TFR2: variants seen among roughly 807,000 people sequenced by gnomAD.
The protein encoded by TFR2 is transferrin receptor 2.
In TFR2, 64 loss-of-function variants were observed where a neutral mutation model predicts 91.9. That is an observed-to-expected ratio of 0.70 (90% CI 0.57 to 0.86). The LOEUF (loss-of-function observed/expected upper bound fraction) is 0.86, where lower values mean the gene tolerates loss of function less well. TFR2 is among the 40% of genes least tolerant of loss of function. TFR2 has a pLI of 0.00. For synonymous variants in TFR2, 454 were observed against 459.6 expected (o/e 0.99, Z 0.15); for missense variants, 950 against 1,080.5 (o/e 0.88, Z 1.69).
At chr7:100,634,641 A>G (rs543791005) in intron 3 of TFR2, among the ~76,000 whole-genome samples, 3 of 152,346 alleles carry the variant, frequency 2.0e-5, no homozygotes, top group Admixed American at 2.0e-4. Flanking sequence ...GGAAAATTCA[A>G]TTCAAAACAG....
chr7:100,626,828 C>G lies in TFR2; in HGVS notation c.2071G>C (p.Glu691Gln). 1 of 1,549,688 alleles carries G rather than the reference C, an allele frequency of 6.5e-7. No individual in the cohort carries two copies. Among genetic ancestry groups the G allele is most frequent in the Non-Finnish European group, 8.7e-7 (1 of 1,146,988 alleles). Residue 691 changes from glutamate to glutamine, a missense_variant, in exon 17 of 18, where the codon GAG becomes CAG. Transcript: ENST00000223051. Reference sequence around the variant, plus strand: ...TCTCTCTCCTCCGAGCTGTAGATCTCCTGCCGCAGCTTTTCCGCCGCCCGG... The same window carrying G: ...TCTCTCTCCTCCGAGCTGTAGATCTGCTGCCGCAGCTTTTCCGCCGCCCGG... ...YIRAAEKLRQEIYSSEERDER... is the reference protein window; with the variant it reads ...YIRAAEKLRQQIYSSEERDER...
intron 6 of TFR2, 170 bp downstream of exon 6, chr7:100,632,831 A>G: frequency 5.2e-6 from 6 of 1,148,630 alleles, no homozygotes; most frequent in South Asian, 2.7e-5. Context: ...TTGGCCTCCT[A>G]AAGTGCTGGG....
Position 100,627,598 on chromosome 7 carries a change from G to A in TFR2, c.1746C>T (p.Ala582=), listed in dbSNP as rs781258602. 5.0e-6 allele frequency: 8 copies of A among 1,614,144 alleles called. No homozygotes were observed. Among genetic ancestry groups the A allele is most frequent in the Middle Eastern group, 1.6e-4 (1 of 6,062 alleles). ...TCACCTCCATAAAGGAGAACTCGAC[G>A]GCAGGGACTCCCACAAAGGCCGTGA... ...YSFTAFVGVP[A]VEFSFMEDDQ... Residue 582 remains alanine (A), a synonymous_variant, in exon 15 of 18, where the codon GCC becomes GCT. Transcript: ENST00000223051.
In TFR2 at chr7:100,640,685, C is replaced by T; in HGVS notation, c.473+1G>A. Reference sequence around the variant, plus strand: ...ACAGGATGGGGCAGGGCCATCCCTACCTGATGGTGTCCTCCAGGCGCCCCT... The same window carrying T: ...ACAGGATGGGGCAGGGCCATCCCTATCTGATGGTGTCCTCCAGGCGCCCCT... On this transcript the variant is annotated splice_donor_variant, in intron 3 of 17. Transcript: ENST00000223051. LOFTEE classifies it high-confidence loss of function. The T allele has an allele frequency of 6.2e-7, 1 of 1,612,222 alleles. No homozygotes were observed. Among genetic ancestry groups the T allele is most frequent in the Non-Finnish European group, 8.5e-7 (1 of 1,179,724 alleles).
chr7:100,626,654 T>G, intron 17 of TFR2, 109 bp downstream of exon 17: 1 of 1,498,402 alleles, frequency 6.7e-7, no homozygotes, highest in East Asian at 2.5e-5. Flanking sequence ...GGACCGGGAC[T>G]GTGTAGGCGG....
chr7:100,627,357 G>A lies in TFR2; in HGVS notation c.1902C>T (p.Ser634=), dbSNP rs41295918. Reference sequence around the variant, plus strand: ...AGTCGAGGGGCAGCAGGCGATCGTGGCTGAGCCGGATGAGGAGCTGCCCTG... The same window carrying A: ...AGTCGAGGGGCAGCAGGCGATCGTGACTGAGCCGGATGAGGAGCTGCCCTG... ...QLAGQLLIRL[S]HDRLLPLDFG... is the part of the protein sequence containing the mutation. The change falls in exon 16 of 18, where the codon AGC becomes AGT. Residue 634 remains serine (S), a synonymous_variant. Transcript: ENST00000223051. 14 of 1,552,588 alleles carry A rather than the reference G, an allele frequency of 9.0e-6. No homozygotes were observed. In the East Asian group the frequency reaches 3.2e-4, roughly 35 times the overall value.
chr7:100,640,472 A>G, intron 3 of TFR2: 1 of 604,406 alleles, frequency 1.7e-6, no homozygotes, highest in Non-Finnish European at 2.9e-6. Flanking sequence ...CCTCCCAAAT[A>G]TGCCACCCTC....
At chr7:100,634,618 C>T (rs1041161807) in intron 3 of TFR2, among the ~76,000 whole-genome samples, 1 of 152,170 alleles carries the variant, frequency 6.6e-6, no homozygotes, top group South Asian at 2.1e-4. Context: ...GAGGATCACT[C>T]AGGGATGAGG....
rs533208171 is a variant in TFR2, at chr7:100,634,750, A to G, written c.474-1194T>C. ...TCCTCCAAGAGGCCACCATCTTCACATTTCAGACCCTTCGCAAATGGTGAA... is the reference window on the plus strand; with the variant it reads ...TCCTCCAAGAGGCCACCATCTTCACGTTTCAGACCCTTCGCAAATGGTGAA... On this transcript the variant is annotated intron_variant, in intron 3 of 17. Transcript: ENST00000223051. Among the ~76,000 whole-genome samples the G allele has an allele frequency of 2.0e-4, 31 of 152,202 alleles. 1 individual carries two copies. Among genetic ancestry groups the G allele is most frequent in the Admixed American group, 8.5e-4 (13 of 15,276 alleles).
chr7:100,620,457 A>C lies in TFR2; in HGVS notation c.*400T>G. 1 of 185,896 alleles carries C rather than the reference A, an allele frequency of 5.4e-6. No homozygotes were observed. The highest frequency in any genetic ancestry group is 2.3e-5 in the African/African-American group (1 of 42,708). The allele number at this position is 185,896 out of a possible 1,614,324, so 11.5% of individuals were successfully genotyped here. A position where few individuals can be genotyped will look rare whatever the true frequency, so the allele number is the denominator to read the frequency against. On this transcript the variant is annotated 3_prime_UTR_variant, in exon 18 of 18. Transcript: ENST00000223051. ...GGTGGTTTATTGATATTGAAACTCC[A>C]CGCCCCTTTCACCACAGACCACCTG...
chr7:100,627,800 A>G lies in TFR2; in HGVS notation c.1626T>C (p.Ser542=), dbSNP rs781300326. Residue 542 remains serine, a synonymous_variant, in exon 14 of 18, where the codon AGT becomes AGC. Coordinates refer to ENST00000223051, the MANE Select transcript of TFR2 (RefSeq NM_003227.4). ...CCACCTGTTCATAGAGAGTCTGCCC[A>G]CTGTGGTTGGGAGAATCCACCTGGG... The part of the protein sequence containing the change: ...VLKQVDSPNH[S]GQTLYEQVVF... 10 of 1,613,576 alleles carry G rather than the reference A, an allele frequency of 6.2e-6. No individual in the cohort carries two copies. The East Asian group carries it at 2.2e-4, about 36-fold the overall frequency.
intron 10 of TFR2, 98 bp downstream of exon 10, chr7:100,629,155 G>A: frequency 1.3e-6 from 2 of 1,503,428 alleles, no homozygotes; most frequent in Non-Finnish European, 1.8e-6. Context: ...AGTGACCACT[G>A]GCCAGTCTGT....
chr7:100,633,426 A>G lies in TFR2; in HGVS notation c.604T>C (p.Phe202Leu), dbSNP rs1363624966. The G allele has an allele frequency of 5.6e-6, 9 of 1,610,926 alleles. No homozygotes were observed. Among genetic ancestry groups the G allele is most frequent in the Non-Finnish European group, 5.9e-6 (7 of 1,178,708 alleles). Residue 202 changes from phenylalanine to leucine, a missense_variant, in exon 4 of 18, where the codon TTC becomes CTC. Phe to Leu is a conservative substitution (Grantham distance 22). Transcript: ENST00000223051. Reference protein sequence around the residue: ...WTDTHYVGLQFPDPAHPNTLH... With the variant: ...WTDTHYVGLQLPDPAHPNTLH... ...CGCGCGCGCACTCACGGATCCGGGAATTGCAGCCCCACGTAGTGCGTGTCG... is the reference window on the plus strand; with the variant it reads ...CGCGCGCGCACTCACGGATCCGGGAGTTGCAGCCCCACGTAGTGCGTGTCG...
At chr7:100,625,527 C>T (rs893543076) in intron 17 of TFR2, among the ~76,000 whole-genome samples, 9 of 152,146 alleles carry the variant, frequency 5.9e-5, no homozygotes, top group Admixed American at 6.5e-5. Context: ...ACCCCAGGGT[C>T]ACCCCTGTTC....
In TFR2 at chr7:100,620,841, G is replaced by A; in HGVS notation, c.*16C>T. On this transcript the variant is annotated 3_prime_UTR_variant, in exon 18 of 18. Coordinates refer to ENST00000223051, the MANE Select transcript of TFR2 (RefSeq NM_003227.4). ...GCTCTTGACTGGGGGACGGGGATGTGAGGATCCCCAGGGCCTCAGAAGTTG... is the reference window on the plus strand; with the variant it reads ...GCTCTTGACTGGGGGACGGGGATGTAAGGATCCCCAGGGCCTCAGAAGTTG... The A allele has an allele frequency of 6.2e-7, 1 of 1,613,910 alleles. No individual in the cohort carries two copies. Among genetic ancestry groups the A allele is most frequent in the South Asian group, 1.1e-5 (1 of 91,010 alleles).
intron 16 of TFR2, 113 bp downstream of exon 16, chr7:100,627,151 G>T: frequency 1.5e-6 from 2 of 1,326,796 alleles, no homozygotes; most frequent in Non-Finnish European, 2.1e-6. Flanking sequence ...TAATGGGCTG[G>T]ATTGCCAGAG....
intron 11 of TFR2, 27 bp downstream of exon 11, chr7:100,628,197 A>G (rs758992254): frequency 6.2e-7 from 1 of 1,602,222 alleles, no homozygotes; most frequent in African/African-American, 1.4e-5. Flanking sequence ...CCCAATGCCT[A>G]ACGACCTGCC....
At chr7:100,622,655 C>A (rs1027519313) in intron 17 of TFR2, among the ~76,000 whole-genome samples, 3 of 152,184 alleles carry the variant, frequency 2.0e-5, no homozygotes, top group East Asian at 1.9e-4. Flanking sequence ...CATGTGGTAA[C>A]CTTCTACTAT....
At chr7:100,638,066 C>G (rs568558409) in intron 3 of TFR2, among the ~76,000 whole-genome samples, 32 of 151,910 alleles carry the variant, frequency 2.1e-4, no homozygotes, top group Non-Finnish European at 4.4e-4. Flanking sequence ...TGCAGTGGCG[C>G]GATCTCGGTT....
Sources: gnomAD v4.1 joint callset for allele counts (sites outside exome capture counted in the v4.1 genomes callset) on GRCh38, gnomAD v4.1.1 for gene constraint, MANE v1.5 for transcripts, NCBI Gene and HGNC (gene_info 2026-07-23, HGNC 2026-07-21) for gene names.